The following FOXJ3 variants were observed in gnomAD, a reference collection of about 807,000 sequenced individuals.
FOXJ3 encodes the protein forkhead box protein J3.
Under a neutral mutation model 76.1 loss-of-function variants are expected in FOXJ3, and 22 were observed. That is an observed-to-expected ratio of 0.29 (90% CI 0.21 to 0.41). The LOEUF (loss-of-function observed/expected upper bound fraction) is 0.41. Among genes scored for constraint, FOXJ3 ranks in the 10% least tolerant of loss-of-function variants. The pLI, the probability that FOXJ3 is intolerant of heterozygous loss-of-function variation, is 1.00. For missense variants in FOXJ3, 613 were observed against 762.1 expected (o/e 0.80, Z 2.30); for synonymous variants, 269 against 261.2 (o/e 1.03, Z -0.29).
chr1:42,290,575 CTTATTCTTCT>C (rs1653352482), intron 2 of FOXJ3, among the ~76,000 whole-genome samples: 1 of 152,180 alleles, frequency 6.6e-6, no homozygotes, highest in African/African-American at 2.4e-5. Context: ...TAAAATCCTT[CTTATTCTTCT>C]TTATTCTATT....
chr1:42,185,790 A>T (rs1646423359), intron 11 of FOXJ3, among the ~76,000 whole-genome samples: 1 of 152,134 alleles, frequency 6.6e-6, no homozygotes, highest in African/African-American at 2.4e-5. Flanking sequence ...AAGATGTCAT[A>T]GACTGTGTTC....
At chr1:42,266,089 T>TA (rs752782838) in intron 3 of FOXJ3, among the ~76,000 whole-genome samples, 2 of 152,168 alleles carry the variant, frequency 1.3e-5, no homozygotes, top group African/African-American at 2.4e-5. Flanking sequence ...ATTTAGCCAT[T>TA]ACTTAGAATG....
intron 7 of FOXJ3, among the ~76,000 whole-genome samples, chr1:42,197,308 C>G (rs1035802032): frequency 6.6e-6 from 1 of 151,888 alleles, no homozygotes; most frequent in South Asian, 2.1e-4. Context: ...AGTTCGAGAC[C>G]AGTTTGGCCC....
intron 4 of FOXJ3, among the ~76,000 whole-genome samples, chr1:42,252,295 T>C (rs1168126961): frequency 1.3e-5 from 2 of 152,236 alleles, no homozygotes; most frequent in Non-Finnish European, 2.9e-5. Context: ...TTGCCACAAT[T>C]TCAGATCCTG....
chr1:42,214,343 A>T (rs182148761), intron 5 of FOXJ3, among the ~76,000 whole-genome samples: 1 of 152,222 alleles, frequency 6.6e-6, no homozygotes, highest in Admixed American at 6.5e-5. Context: ...TCTGATCGGT[A>T]AAGCCAATAG....
intron 4 of FOXJ3, among the ~76,000 whole-genome samples, chr1:42,242,658 C>T (rs182469069): frequency 1.8e-4 from 27 of 151,874 alleles, no homozygotes; most frequent in East Asian, 3.9e-4. Context: ...ACCAAGGACA[C>T]GGCAATCTAC....
chr1:42,300,229 T>C (rs375120106), intron 2 of FOXJ3, among the ~76,000 whole-genome samples: 87 of 152,258 alleles, frequency 5.7e-4, no homozygotes, highest in African/African-American at 1.9e-3. Flanking sequence ...GATATAGATA[T>C]GTGAGGTTTT....
chr1:42,236,139 G>T (rs939876969), intron 4 of FOXJ3, among the ~76,000 whole-genome samples: 3 of 152,214 alleles, frequency 2.0e-5, no homozygotes, highest in Admixed American at 6.5e-5. Context: ...CTCATGTGGA[G>T]CAAGTAGGAA....
At chr1:42,332,933 G>T (rs951224516) in intron 1 of FOXJ3, among the ~76,000 whole-genome samples, 4 of 152,190 alleles carry the variant, frequency 2.6e-5, no homozygotes, top group Non-Finnish European at 5.9e-5. Flanking sequence ...AATTCTGAAT[G>T]ATGTACATGT....
At chr1:42,195,874 G>A (rs1440935047) in intron 7 of FOXJ3, among the ~76,000 whole-genome samples, 2 of 152,380 alleles carry the variant, frequency 1.3e-5, no homozygotes, top group South Asian at 4.1e-4. Flanking sequence ...AAGGCTCCAT[G>A]GCAGGATGAC....
chr1:42,284,137 T>C (rs1652903515), intron 2 of FOXJ3, among the ~76,000 whole-genome samples: 1 of 152,172 alleles, frequency 6.6e-6, no homozygotes, highest in South Asian at 2.1e-4. Context: ...AGAGTCTCTA[T>C]TAGCAGATGA....
chr1:42,318,051 TG>T (rs1361284400), intron 1 of FOXJ3, among the ~76,000 whole-genome samples: 1 of 151,968 alleles, frequency 6.6e-6, no homozygotes, highest in African/African-American at 2.4e-5. Context: ...CTTCAAAAAT[TG>T]GGGGGAAAAA....
chr1:42,205,188 A>G (rs1182094962), intron 6 of FOXJ3, among the ~76,000 whole-genome samples: 1 of 152,222 alleles, frequency 6.6e-6, no homozygotes, highest in Non-Finnish European at 1.5e-5. Context: ...AAACTGTCTT[A>G]TAAAGAAGAG....
chr1:42,224,454 G>A (rs1647383868), intron 5 of FOXJ3, among the ~76,000 whole-genome samples: 1 of 151,954 alleles, frequency 6.6e-6, no homozygotes, highest in Admixed American at 6.6e-5. Flanking sequence ...TTAGGATGGA[G>A]CCAGCCTGGC....
intron 2 of FOXJ3, among the ~76,000 whole-genome samples, chr1:42,301,797 T>C (rs1204736496): frequency 6.6e-6 from 1 of 152,208 alleles, no homozygotes; most frequent in Non-Finnish European, 1.5e-5. Flanking sequence ...ATTCTTTATC[T>C]TGTATTTCAA....
chr1:42,326,668 G>A (rs1018293421), intron 1 of FOXJ3, among the ~76,000 whole-genome samples: 10 of 152,170 alleles, frequency 6.6e-5, no homozygotes, highest in South Asian at 4.1e-4. Context: ...CGAAGACAAA[G>A]AATGCAGATT....
intron 8 of FOXJ3, among the ~76,000 whole-genome samples, chr1:42,192,822 TAAA>T (rs572033162): frequency 3.4e-4 from 52 of 151,276 alleles, no homozygotes; most frequent in African/African-American, 1.1e-3. Flanking sequence ...TTAAAAAAGA[TAAA>T]ATTATTCTAT....
At chr1:42,183,772 T>C (rs17376785) in intron 11 of FOXJ3, among the ~76,000 whole-genome samples, 4,587 of 152,190 alleles carry the variant, frequency 0.03, 89 homozygotes, top group Middle Eastern at 0.051. Context: ...CACAAGTCTT[T>C]ACCCTCCAGT....
intron 4 of FOXJ3, among the ~76,000 whole-genome samples, chr1:42,248,240 A>G (rs1376964574): frequency 2.0e-5 from 3 of 152,210 alleles, no homozygotes; most frequent in Non-Finnish European, 2.9e-5. Flanking sequence ...ATACACTTTT[A>G]AAAGACAACA....
Sources: gnomAD v4.1 joint callset for allele counts (sites outside exome capture counted in the v4.1 genomes callset) on GRCh38, gnomAD v4.1.1 for gene constraint, MANE v1.5 for transcripts, NCBI Gene and HGNC (gene_info 2026-07-23, HGNC 2026-07-21) for gene names.